Variants in ACBD6 observed in about 807,000 individuals in gnomAD.
ACBD6 encodes acyl-CoA binding domain containing 6, also known as acyl-CoA-binding domain-containing protein 6.
Under a neutral mutation model 37.2 loss-of-function variants are expected in ACBD6, and 28 were observed. The observed-to-expected ratio is 0.75, with a 90% CI of 0.56 to 1.03. ACBD6 has a LOEUF of 1.03. Ranked by LOEUF, ACBD6 falls within the 50% of genes least tolerant of loss-of-function variation. The pLI is 0.00. For missense variants in ACBD6, 340 were observed against 337.4 expected (o/e 1.01, Z -0.06); for synonymous variants, 113 against 126.8 (o/e 0.89, Z 0.73).
At chr1:180,412,205 A>AT (rs752564609) in intron 5 of ACBD6, among the ~76,000 whole-genome samples, 6 of 152,080 alleles carry the variant, frequency 3.9e-5, no homozygotes. Context: ...TGAAAAACAC[A>AT]TAGTATTACT....
intron 4 of ACBD6, among the ~76,000 whole-genome samples, chr1:180,418,372 G>C (rs996453685): frequency 7.2e-5 from 11 of 152,032 alleles, no homozygotes; most frequent in Non-Finnish European, 8.8e-5. Context: ...GAGCGCAGGA[G>C]TTTGAGACCA....
intron 6 of ACBD6, among the ~76,000 whole-genome samples, chr1:180,349,398 G>C (rs921508044): frequency 4.6e-5 from 7 of 151,312 alleles, no homozygotes; most frequent in Admixed American, 1.3e-4. Flanking sequence ...TGGGACTACA[G>C]GCACCCGCCA....
chr1:180,411,476 G>A (rs1282817390), intron 5 of ACBD6, among the ~76,000 whole-genome samples: 1 of 152,186 alleles, frequency 6.6e-6, no homozygotes, highest in East Asian at 1.9e-4. Flanking sequence ...CTACCACTGT[G>A]ATCGGTCAGC....
chr1:180,450,511 C>T (rs1326197137), intron 3 of ACBD6, among the ~76,000 whole-genome samples: 1 of 152,188 alleles, frequency 6.6e-6, no homozygotes, highest in Admixed American at 6.5e-5. Flanking sequence ...GTAATCCCAG[C>T]ACTTTGGGAG....
At chr1:180,279,187 T>C (rs1649226175) in intron 9 of ACBD6, among the ~76,000 whole-genome samples, 1 of 152,256 alleles carries the variant, frequency 6.6e-6, no homozygotes. Flanking sequence ...GGAAGTTCCC[T>C]GGTTTTTCTA....
chr1:180,452,008 T>A (rs1649726125), intron 3 of ACBD6, among the ~76,000 whole-genome samples: 1 of 152,102 alleles, frequency 6.6e-6, no homozygotes, highest in Admixed American at 6.6e-5. Flanking sequence ...GACTAATGGG[T>A]AAATAATGAA....
intron 4 of ACBD6, 84 bp downstream of exon 4, chr1:180,430,096 C>T: frequency 8.7e-7 from 1 of 1,143,510 alleles, no homozygotes. Flanking sequence ...TACACATATA[C>T]ACATACATAA....
rs186138446 is a variant in ACBD6, at chr1:180,352,088, T to C, written c.664-37366A>G. On this transcript the variant is annotated intron_variant, in intron 6 of 7. Coordinates refer to ENST00000367595, the MANE Select transcript of ACBD6 (RefSeq NM_032360.4). ...CAATTCCATTTACATGAGGTACATGTAGTCAAATTCAGAGAGACAGAAAGT... is the reference window on the plus strand; with the variant it reads ...CAATTCCATTTACATGAGGTACATGCAGTCAAATTCAGAGAGACAGAAAGT... 2.6e-4 allele frequency among the ~76,000 whole-genome samples: 39 copies of C among 152,216 alleles called. 1 individual carries two copies. The East Asian group carries it at 7.3e-3, about 29-fold the overall frequency.
At chr1:180,349,258 T>C (rs1250084372) in intron 6 of ACBD6, among the ~76,000 whole-genome samples, 1 of 102,138 alleles carries the variant, frequency 9.8e-6, no homozygotes, top group South Asian at 3.5e-4. Flanking sequence ...AAATAAAAAA[T>C]TTTAATTTCT....
rs760897717 is a variant in ACBD6 at position 180,274,355 on chromosome 1, A to G, written c.*937-243T>C. 3 of 1,614,044 alleles carry G rather than the reference A, an allele frequency of 1.9e-6. No homozygotes were observed. The highest frequency in any genetic ancestry group is 1.1e-5 in the South Asian group (1 of 91,080). ...TGGAATCCCCCAGTCTCCATCCTCC[A>G]TATCGTCCCTGCCATCCCACGCTCC... On this transcript the variant is annotated intron_variant, in intron 10 of 13. Transcript: ENST00000642319.
intron 6 of ACBD6, among the ~76,000 whole-genome samples, chr1:180,393,573 G>A (rs768452137): frequency 2.0e-5 from 3 of 152,176 alleles, no homozygotes; most frequent in African/African-American, 4.8e-5. Flanking sequence ...AGAGTCATGA[G>A]GAGATGAACC....
intron 3 of ACBD6, among the ~76,000 whole-genome samples, chr1:180,458,375 TC>T (rs1432518639): frequency 6.6e-6 from 1 of 152,202 alleles, no homozygotes; most frequent in Non-Finnish European, 1.5e-5. Context: ...AACACTGAGC[TC>T]ATCACTGTAA....
intron 3 of ACBD6, 146 bp from the exon 4 acceptor site, chr1:180,430,408 GT>G: frequency 1.4e-6 from 1 of 711,026 alleles, no homozygotes; most frequent in Non-Finnish European, 2.4e-6. Context: ...AACTTTTAAG[GT>G]GGTAACAGAA....
At chr1:180,373,752 T>C (rs1653342391) in intron 6 of ACBD6, among the ~76,000 whole-genome samples, 1 of 152,142 alleles carries the variant, frequency 6.6e-6, no homozygotes, top group Non-Finnish European at 1.5e-5. Context: ...TTTAAAAATG[T>C]AAAGAATATT....
At chr1:180,494,733 A>G (rs560900026) in intron 2 of ACBD6, among the ~76,000 whole-genome samples, 2 of 152,274 alleles carry the variant, frequency 1.3e-5, no homozygotes, top group Admixed American at 6.5e-5. Context: ...CCTTAATTCC[A>G]GGGCTGATGC....
chr1:180,428,819 T>C lies in ACBD6; in HGVS notation c.467+1361A>G, dbSNP rs75845325. Among the ~76,000 whole-genome samples, 385 of 152,302 alleles carry C rather than the reference T, an allele frequency of 2.5e-3. 2 individuals carry two copies. In the East Asian group the frequency reaches 0.036, roughly 14 times the overall value. On this transcript the variant is annotated intron_variant, in intron 4 of 7. Transcript: ENST00000367595. ...AAGGAAAGTCAAGAAACTATCTCAA[T>C]TTATTTATCTAACTAGGAAAGAAAA...
chr1:180,390,631 A>G (rs1654037929), intron 6 of ACBD6, among the ~76,000 whole-genome samples: 2 of 152,292 alleles, frequency 1.3e-5, no homozygotes, highest in South Asian at 2.1e-4. Context: ...CTTCCTACCC[A>G]TGAGCATGGA....
intron 3 of ACBD6, among the ~76,000 whole-genome samples, chr1:180,480,974 T>G (rs548030682): frequency 6.6e-6 from 1 of 150,980 alleles, no homozygotes; most frequent in East Asian, 1.9e-4. Flanking sequence ...GAGTCTGCAG[T>G]GAGCGGAGAT....
chr1:180,282,675 T>G (rs1421958230), intron 8 of ACBD6, among the ~76,000 whole-genome samples: 2 of 152,196 alleles, frequency 1.3e-5, no homozygotes, highest in Non-Finnish European at 2.9e-5. Context: ...ACCTGTCAAC[T>G]GCAGGGCTTA....
Sources: gnomAD v4.1 joint callset for allele counts (sites outside exome capture counted in the v4.1 genomes callset) on GRCh38, gnomAD v4.1.1 for gene constraint, MANE v1.5 for transcripts, NCBI Gene and HGNC (gene_info 2026-07-23, HGNC 2026-07-21) for gene names.